Variants in GABRG1 observed in about 807,000 individuals in gnomAD.
The protein encoded by GABRG1 is gamma-aminobutyric acid receptor subunit gamma-1.
In GABRG1, 49 loss-of-function variants were observed where a neutral mutation model predicts 49.8. That is an observed-to-expected ratio of 0.98 (90% confidence interval 0.78 to 1.25). GABRG1 has a LOEUF of 1.25. Among genes scored for constraint, GABRG1 ranks in the 50% most tolerant of loss-of-function variants. The pLI is 0.00. For synonymous variants in GABRG1, 232 were observed against 185.1 expected, an observed-to-expected ratio of 1.25 and a Z score of -2.06; for missense variants, 552 against 552.3, an observed-to-expected ratio of 1.00 and a Z score of 0.01.
intron 1 of GABRG1, among the ~76,000 whole-genome samples, chr4:46,116,445 C>T (rs1720889980): frequency 1.3e-5 from 2 of 150,674 alleles, no homozygotes; most frequent in Admixed American, 1.3e-4. Context: ...GATATCTATG[C>T]TTCAGATACA....
chr4:46,059,396 T>A (rs1718584117), intron 5 of GABRG1, among the ~76,000 whole-genome samples: 1 of 151,572 alleles, frequency 6.6e-6, no homozygotes, highest in Admixed American at 6.6e-5. Flanking sequence ...TATTCTCCTT[T>A]TTTTTTTTTA....
intron 5 of GABRG1, among the ~76,000 whole-genome samples, chr4:46,059,192 A>C (rs952613896): frequency 4.6e-5 from 7 of 152,042 alleles, no homozygotes; most frequent in Admixed American, 3.3e-4. Flanking sequence ...ACTGTTTTAG[A>C]CATTTGTGGT....
Position 46,064,529 on chromosome 4 carries a change from T to C in GABRG1, c.543-6A>G. On this transcript the variant is annotated splice_region_variant and splice_polypyrimidine_tract_variant and intron_variant, in intron 4 of 8. Transcript: ENST00000295452. ...ATTCTGCATTAATTGTCAATCTATTTAGATGGAAAGAAAAGTATTAAATAA... is the reference window on the plus strand; with the variant it reads ...ATTCTGCATTAATTGTCAATCTATTCAGATGGAAAGAAAAGTATTAAATAA... The C allele has an allele frequency of 3.6e-6, 5 of 1,401,956 alleles. No homozygotes were observed. Among genetic ancestry groups the C allele is most frequent in the Non-Finnish European group, 4.8e-6 (5 of 1,034,388 alleles). The allele number at this position is 1,401,956 out of a possible 1,614,324, so 86.8% of individuals were successfully genotyped here. A position where few individuals can be genotyped will look rare whatever the true frequency, so the allele number is the denominator to read the frequency against.
chr4:46,067,891 T>C (rs1423946774), intron 3 of GABRG1, among the ~76,000 whole-genome samples: 2 of 152,142 alleles, frequency 1.3e-5, no homozygotes. Context: ...GAGACCCTTA[T>C]ACACAACATC....
intron 3 of GABRG1, among the ~76,000 whole-genome samples, chr4:46,075,448 G>A (rs955936): frequency 0.055 from 8,384 of 151,840 alleles, 375 homozygotes; most frequent in African/African-American, 0.12. Flanking sequence ...CTCCCGCCTC[G>A]GCCTCCTGAA....
intron 1 of GABRG1, among the ~76,000 whole-genome samples, chr4:46,098,961 C>G (rs573835986): frequency 6.6e-6 from 1 of 151,408 alleles, no homozygotes; most frequent in East Asian, 2.0e-4. Context: ...AGTAAAAATC[C>G]TTATATTGCC....
rs545844074 is a variant in GABRG1 at position 46,083,836 on chromosome 4, G to C, written c.321+150C>G. The C allele has an allele frequency of 9.1e-5, 58 of 637,408 alleles. No individual in the cohort carries two copies. In the Admixed American group the frequency reaches 1.7e-3, roughly 19 times the overall value. 39.5% of individuals were successfully genotyped at this position (637,408 alleles called of 1,614,324 possible). The stretch of plus-strand genomic sequence containing the variant: ...TAGATACAGGTATAGTTTAGCTCCA[G>C]TTGCCAATACCTGGCACAAAGTAAT... On this transcript the variant is annotated intron_variant, in intron 3 of 8. Transcript: ENST00000295452.
intron 1 of GABRG1, among the ~76,000 whole-genome samples, chr4:46,117,475 T>C (rs1028242034): frequency 6.7e-6 from 1 of 149,666 alleles, no homozygotes; most frequent in Non-Finnish European, 1.5e-5. Flanking sequence ...CTAAAATATA[T>C]AGGAAATCTA....
rs778320362 is a variant in GABRG1, at chr4:46,051,429, C to T, written c.1126G>A (p.Ala376Thr). Residue 376 changes from alanine (A) to threonine (T), a missense_variant, in exon 8 of 9, where the codon GCC becomes ACC. Physicochemically the swap from Ala to Thr is moderately conservative, Grantham distance 58. Coordinates refer to ENST00000295452, the MANE Select transcript of GABRG1 (RefSeq NM_173536.4). ...AATTTTTCTTTTTAACATACCGAGG[C>T]TTTATTTTTTAGCTTTCTGTCTTTA... Reference protein sequence around the residue: ...ATKDRKLKNKASMTPGLHPGS... With the variant: ...ATKDRKLKNKTSMTPGLHPGS... 1 of 1,600,070 alleles carries T rather than the reference C, an allele frequency of 6.2e-7. No individual in the cohort carries two copies. Among genetic ancestry groups the T allele is most frequent in the Non-Finnish European group, 8.5e-7 (1 of 1,174,278 alleles).
At chr4:46,104,095 G>C (rs1720461875) in intron 1 of GABRG1, among the ~76,000 whole-genome samples, 1 of 151,174 alleles carries the variant, frequency 6.6e-6, no homozygotes, top group South Asian at 2.1e-4. Context: ...ACTTCATTAA[G>C]GCCTCCAAGC....
intron 2 of GABRG1, among the ~76,000 whole-genome samples, chr4:46,092,346 A>G (rs1394071132): frequency 1.3e-5 from 2 of 152,016 alleles, no homozygotes; most frequent in Non-Finnish European, 2.9e-5. Flanking sequence ...TAGTTTATGG[A>G]AAAAGGTTTG....
At chr4:46,119,117 T>G (rs1431048411) in intron 1 of GABRG1, among the ~76,000 whole-genome samples, 10 of 149,790 alleles carry the variant, frequency 6.7e-5, no homozygotes, top group Admixed American at 6.0e-4. Context: ...GTGTGTGTGT[T>G]TGTCTGCGTC....
rs182759564 is a variant in GABRG1 at position 46,078,439 on chromosome 4, A to C, written c.321+5547T>G. 3.1e-3 allele frequency among the ~76,000 whole-genome samples: 468 copies of C among 152,098 alleles called. 1 individual carries two copies. The highest frequency in any genetic ancestry group is 5.7e-3 in the Non-Finnish European group (384 of 67,942). On this transcript the variant is annotated intron_variant, in intron 3 of 8. Transcript: ENST00000295452. ...ATAGCTAAAGGTTTTATCTCCTAAAACTAGAAGCCCAGAAACATACAAGGG... is the reference window on the plus strand; with the variant it reads ...ATAGCTAAAGGTTTTATCTCCTAAACCTAGAAGCCCAGAAACATACAAGGG...
intron 1 of GABRG1, among the ~76,000 whole-genome samples, chr4:46,116,403 C>T (rs1041565675): frequency 1.3e-5 from 2 of 150,700 alleles, no homozygotes; most frequent in South Asian, 2.1e-4. Context: ...AAATACAAAT[C>T]GTGGTGACAT....
rs1037904303 is a variant in GABRG1 at position 46,099,754 on chromosome 4, G to A, written c.105-2405C>T. Among the ~76,000 whole-genome samples the A allele has an allele frequency of 5.3e-5, 8 of 151,560 alleles. No individual in the cohort carries two copies. In the South Asian group the frequency reaches 8.3e-4, roughly 16 times the overall value. ...GTGCTTTGTATGCAACCTCAAGAAA[G>A]CTTTCTAGTAGTCAGAGGCCAGTTC... On this transcript the variant is annotated intron_variant, in intron 1 of 8. Coordinates refer to ENST00000295452, the MANE Select transcript of GABRG1 (RefSeq NM_173536.4).
In GABRG1 at chr4:46,051,544, A is replaced by G. The variant is rs1268864570; in HGVS notation, c.1011T>C (p.Val337=). The change falls in exon 8 of 9, where the codon GTT becomes GTC. Residue 337 remains valine (V), a synonymous_variant. Transcript: ENST00000295452. ...VSYVTAMDLF[V]SVCFIFVFAA... ...CAAAAACAAAAATGAAACAAACAGA[A>G]ACAAAGAGATCCATCGCAGTCACAT... is the stretch of plus-strand genomic sequence containing the variant. 16 of 1,611,866 alleles carry G rather than the reference A, an allele frequency of 9.9e-6. 1 individual carries two copies. Among genetic ancestry groups the G allele is most frequent in the Non-Finnish European group, 1.2e-5 (14 of 1,178,624 alleles).
intron 3 of GABRG1, among the ~76,000 whole-genome samples, chr4:46,068,220 G>C (rs991411343): frequency 1.3e-5 from 2 of 152,116 alleles, no homozygotes; most frequent in Non-Finnish European, 2.9e-5. Flanking sequence ...ATGTTGTACT[G>C]TTGCATAGGA....
intron 8 of GABRG1, among the ~76,000 whole-genome samples, chr4:46,043,371 C>T (rs1041783808): frequency 1.3e-5 from 2 of 151,874 alleles, no homozygotes; most frequent in African/African-American, 4.8e-5. Flanking sequence ...GCTCCCTCCA[C>T]CCCATCCCCT....
chr4:46,067,262 T>C (rs1718952222), intron 3 of GABRG1, among the ~76,000 whole-genome samples: 1 of 152,100 alleles, frequency 6.6e-6, no homozygotes, highest in Non-Finnish European at 1.5e-5. Flanking sequence ...AGAAGCTACC[T>C]CATTTTATCT....
Sources: gnomAD v4.1 joint callset for allele counts (sites outside exome capture counted in the v4.1 genomes callset) on GRCh38, gnomAD v4.1.1 for gene constraint, MANE v1.5 for transcripts, NCBI Gene and HGNC (gene_info 2026-07-23, HGNC 2026-07-21) for gene names.